Variants in SNTG1 observed in about 807,000 individuals in gnomAD.
The protein encoded by SNTG1 is syntrophin gamma 1, also known as gamma-1-syntrophin.
A neutral mutation model predicts 74.7 loss-of-function variants in SNTG1; 39 were observed. The observed-to-expected ratio is 0.52, with a 90% CI of 0.40 to 0.68. The LOEUF (loss-of-function observed/expected upper bound fraction) is 0.68, where lower values mean the gene tolerates loss of function less well. SNTG1 is among the 30% of genes least tolerant of loss of function. The pLI is 0.00. For missense variants in SNTG1, 685 were observed against 609.5 expected (o/e 1.12, Z -1.30); for synonymous variants, 254 against 217.1 (o/e 1.17, Z -1.49).
intron 1 of SNTG1, among the ~76,000 whole-genome samples, chr8:50,079,745 T>G (rs1057491146): frequency 5.8e-4 from 89 of 152,298 alleles, no homozygotes; most frequent in African/African-American, 2.1e-3. Flanking sequence ...TTTGTATAAG[T>G]ATAAGAAAGG....
chr8:49,985,505 T>C (rs1392679393), intron 1 of SNTG1, among the ~76,000 whole-genome samples: 1 of 152,194 alleles, frequency 6.6e-6, no homozygotes, highest in Non-Finnish European at 1.5e-5. Context: ...ATTAACAATA[T>C]TAAGTTGTGA....
chr8:50,171,470 G>A (rs146302261), intron 1 of SNTG1, among the ~76,000 whole-genome samples: 15 of 152,134 alleles, frequency 9.9e-5, no homozygotes, highest in Non-Finnish European at 1.5e-4. Context: ...TTATATCCTG[G>A]CAAAGCTGGC....
chr8:50,115,006 GA>G (rs1209429721), intron 1 of SNTG1, among the ~76,000 whole-genome samples: 5 of 152,198 alleles, frequency 3.3e-5, no homozygotes, highest in African/African-American at 1.2e-4. Context: ...GAATATATAT[GA>G]CATGTACTTG....
chr8:49,921,114 T>G (rs1259679699), intron 1 of SNTG1, among the ~76,000 whole-genome samples: 1 of 151,862 alleles, frequency 6.6e-6, no homozygotes, highest in Non-Finnish European at 1.5e-5. Flanking sequence ...GCTACCGAAG[T>G]GGAGATTACT....
chr8:50,503,280 C>A (rs2093979608), intron 9 of SNTG1, among the ~76,000 whole-genome samples: 2 of 151,988 alleles, frequency 1.3e-5, no homozygotes, highest in African/African-American at 4.8e-5. Flanking sequence ...AAGCGTTTGC[C>A]TTTGAGGGAA....
intron 1 of SNTG1, among the ~76,000 whole-genome samples, chr8:50,046,448 A>T (rs1819091894): frequency 6.6e-6 from 1 of 152,218 alleles, no homozygotes; most frequent in South Asian, 2.1e-4. Flanking sequence ...GGCTGTTATC[A>T]AGAAAGATAA....
intron 13 of SNTG1, among the ~76,000 whole-genome samples, chr8:50,619,731 GA>G (rs780234473): frequency 2.6e-3 from 168 of 63,848 alleles, no homozygotes; most frequent in East Asian, 4.4e-3. Context: ...ACTCCGTCTC[GA>G]AAAAAAAAAA....
rs563775111 is a variant in SNTG1, at chr8:49,979,292, T to C, written c.-103+67061T>C. Among the ~76,000 whole-genome samples, 3 of 152,274 alleles carry C rather than the reference T, an allele frequency of 2.0e-5. No homozygotes were observed. The South Asian group carries it at 6.2e-4, about 32-fold the overall frequency. On this transcript the variant is annotated intron_variant, in intron 1 of 18. Coordinates refer to ENST00000642720, the MANE Select transcript of SNTG1 (RefSeq NM_018967.5). ...ACTGCATGGGCCCCGCACCGCCGCC[T>C]GCCCCGCGCCACGACAGCCCAGAGC...
intron 8 of SNTG1, among the ~76,000 whole-genome samples, chr8:50,465,121 C>T (rs2093598750): frequency 1.3e-5 from 2 of 152,070 alleles, no homozygotes; most frequent in Non-Finnish European, 2.9e-5. Context: ...ATTAGCTACT[C>T]CTGAGTTTAT....
intron 1 of SNTG1, among the ~76,000 whole-genome samples, chr8:49,986,442 A>C (rs550264470): frequency 6.6e-6 from 1 of 152,294 alleles, no homozygotes; most frequent in East Asian, 1.9e-4. Flanking sequence ...CAGGCAAATC[A>C]TTGGGATTGT....
intron 13 of SNTG1, among the ~76,000 whole-genome samples, chr8:50,602,648 C>T (rs2130938282): frequency 6.6e-6 from 1 of 152,214 alleles, no homozygotes; most frequent in African/African-American, 2.4e-5. Flanking sequence ...CATTTTCTTT[C>T]ATGTCGACAA....
intron 2 of SNTG1, among the ~76,000 whole-genome samples, chr8:50,360,415 T>A (rs966390488): frequency 6.6e-5 from 10 of 152,156 alleles, no homozygotes; most frequent in Non-Finnish European, 2.9e-5. Context: ...GGAACTGTAG[T>A]TATAAGTCTT....
intron 12 of SNTG1, among the ~76,000 whole-genome samples, chr8:50,566,963 C>A (rs1389298015): frequency 1.3e-5 from 2 of 151,960 alleles, no homozygotes; most frequent in Non-Finnish European, 2.9e-5. Context: ...TTTCTTCTTT[C>A]CAGTTGAATT....
chr8:50,335,591 T>C (rs2091113587), intron 2 of SNTG1, among the ~76,000 whole-genome samples: 1 of 152,092 alleles, frequency 6.6e-6, no homozygotes, highest in African/African-American at 2.4e-5. Context: ...TTGAATCAAA[T>C]CCTTCTCACA....
intron 2 of SNTG1, among the ~76,000 whole-genome samples, chr8:50,345,726 T>A (rs544693108): frequency 6.9e-4 from 105 of 152,180 alleles, no homozygotes; most frequent in Non-Finnish European, 1.3e-3. Context: ...TTTATACCAG[T>A]TTTCTTTTTA....
chr8:50,378,240 A>G (rs1168164921), intron 2 of SNTG1, among the ~76,000 whole-genome samples: 5 of 152,222 alleles, frequency 3.3e-5, no homozygotes, highest in Non-Finnish European at 5.9e-5. Flanking sequence ...TGTCTTGTCC[A>G]GGTGCACTTC....
intron 4 of SNTG1, among the ~76,000 whole-genome samples, chr8:50,410,796 G>A (rs1273329947): frequency 1.3e-5 from 2 of 152,070 alleles, no homozygotes; most frequent in Non-Finnish European, 2.9e-5. Flanking sequence ...ATTTCACTAA[G>A]CATAATGTCC....
At chr8:50,066,216 CA>C (rs981229291) in intron 1 of SNTG1, among the ~76,000 whole-genome samples, 57 of 141,242 alleles carry the variant, frequency 4.0e-4, no homozygotes, top group Admixed American at 3.5e-4. Flanking sequence ...AGCTCCATCT[CA>C]AAAAAAAAAA....
At chr8:50,305,679 A>T (rs1489636004) in intron 2 of SNTG1, among the ~76,000 whole-genome samples, 1 of 151,768 alleles carries the variant, frequency 6.6e-6, no homozygotes, top group East Asian at 1.9e-4. Flanking sequence ...TTTTTTAATA[A>T]TACCTTTTTA....
Sources: gnomAD v4.1 joint callset for allele counts (sites outside exome capture counted in the v4.1 genomes callset) on GRCh38, gnomAD v4.1.1 for gene constraint, MANE v1.5 for transcripts, NCBI Gene and HGNC (gene_info 2026-07-23, HGNC 2026-07-21) for gene names.